ANKRD13C: variants seen among roughly 807,000 people sequenced by gnomAD.
The protein encoded by ANKRD13C is ankyrin repeat domain-containing protein 13C.
A neutral mutation model predicts 65.5 loss-of-function variants in ANKRD13C; 16 were observed. That is an observed-to-expected ratio of 0.24 (90% CI 0.17 to 0.37). The LOEUF (loss-of-function observed/expected upper bound fraction) is 0.37. Ranked by LOEUF, ANKRD13C falls within the 10% of genes least tolerant of loss-of-function variation. ANKRD13C has a pLI of 1.00. For missense variants in ANKRD13C, 503 were observed against 655.9 expected, an observed-to-expected ratio of 0.77 and a Z score of 2.55; for synonymous variants, 235 against 238.7, an observed-to-expected ratio of 0.98 and a Z score of 0.14.
intron 5 of ANKRD13C, among the ~76,000 whole-genome samples, chr1:70,308,402 G>A (rs1002508530): frequency 6.6e-6 from 1 of 151,728 alleles, no homozygotes; most frequent in Non-Finnish European, 1.5e-5. Context: ...TGGTAAGGCA[G>A]AGAGAAAACA....
intron 3 of ANKRD13C, among the ~76,000 whole-genome samples, chr1:70,318,902 C>T (rs550275545): frequency 1.3e-5 from 2 of 152,052 alleles, no homozygotes; most frequent in South Asian, 2.1e-4. Context: ...AGGATGGTCT[C>T]GATCTCTTGA....
At chr1:70,272,379 C>T (rs1212925659) in intron 11 of ANKRD13C, among the ~76,000 whole-genome samples, 2 of 151,818 alleles carry the variant, frequency 1.3e-5, no homozygotes, top group African/African-American at 4.8e-5. Context: ...CACCACCACA[C>T]CCGGCCAATT....
At position 70,259,537 on chromosome 1, in the gene ANKRD13C, A is replaced by G. The variant is rs1389353758; in HGVS notation, c.*3180T>C. On this transcript the variant is annotated 3_prime_UTR_variant, in exon 13 of 13. Coordinates refer to ENST00000370944, the MANE Select transcript of ANKRD13C (RefSeq NM_030816.5). ...CATGATGTAAAAAATGTGATTCTTA[A>G]CATGTTATGAAATTTTTAGGTGGCA... Among the ~76,000 whole-genome samples, 2 of 152,204 alleles carry G rather than the reference A, an allele frequency of 1.3e-5. No individual in the cohort carries two copies. The highest frequency in any genetic ancestry group is 1.3e-4 in the Admixed American group (2 of 15,274).
At chr1:70,305,250 C>A (rs939919552) in intron 6 of ANKRD13C, among the ~76,000 whole-genome samples, 1 of 152,116 alleles carries the variant, frequency 6.6e-6, no homozygotes, top group Non-Finnish European at 1.5e-5. Flanking sequence ...ATAAATTTCT[C>A]AGAAATAGCT....
At chr1:70,281,516 C>A (rs913054202) in intron 9 of ANKRD13C, among the ~76,000 whole-genome samples, 1 of 151,342 alleles carries the variant, frequency 6.6e-6, no homozygotes, top group Non-Finnish European at 1.5e-5. Flanking sequence ...GATCCTCCCA[C>A]CCCAGCCTCC....
intron 8 of ANKRD13C, among the ~76,000 whole-genome samples, chr1:70,295,714 T>C (rs991821754): frequency 6.6e-6 from 1 of 152,124 alleles, no homozygotes; most frequent in Non-Finnish European, 1.5e-5. Context: ...TACTCATATG[T>C]ATAGAATACA....
chr1:70,296,026 T>C, intron 8 of ANKRD13C, 104 bp downstream of exon 8: 1 of 1,364,336 alleles, frequency 7.3e-7, no homozygotes, highest in Non-Finnish European at 9.9e-7. Context: ...AAAAACTACT[T>C]GGAGACAATT....
chr1:70,319,252 T>C (rs12737233), intron 3 of ANKRD13C, among the ~76,000 whole-genome samples: 16,038 of 152,192 alleles, frequency 0.11, 1,054 homozygotes, highest in Non-Finnish European at 0.15. Flanking sequence ...CTTTTATCAT[T>C]ACAACTTCAT....
At chr1:70,302,476 C>CCT (rs1680405943) in intron 6 of ANKRD13C, among the ~76,000 whole-genome samples, 2 of 110,676 alleles carry the variant, frequency 1.8e-5, no homozygotes, top group Non-Finnish European at 3.6e-5. Flanking sequence ...CCTGTAATCC[C>CCT]AGCACTTTGG....
At chr1:70,314,707 A>C (rs1680999310) in intron 4 of ANKRD13C, among the ~76,000 whole-genome samples, 1 of 151,168 alleles carries the variant, frequency 6.6e-6, no homozygotes, top group Non-Finnish European at 1.5e-5. Flanking sequence ...TGAGTAAAAC[A>C]TTTTTCTGGC....
At chr1:70,311,259 G>A (rs976360520) in intron 5 of ANKRD13C, among the ~76,000 whole-genome samples, 6 of 152,094 alleles carry the variant, frequency 3.9e-5, no homozygotes, top group East Asian at 1.9e-4. Context: ...TTGGGAGGCC[G>A]AGGCGGGTGG....
intron 3 of ANKRD13C, among the ~76,000 whole-genome samples, chr1:70,319,683 T>C (rs999131123): frequency 3.3e-5 from 5 of 151,264 alleles, no homozygotes; most frequent in African/African-American, 1.2e-4. Flanking sequence ...CCATGCTTTA[T>C]ACACATTCCA....
rs1188173076 is a variant in ANKRD13C at position 70,292,517 on chromosome 1, G to A, written c.1086C>T (p.Tyr362=). 3 of 1,597,990 alleles carry A rather than the reference G, an allele frequency of 1.9e-6. No homozygotes were observed. The highest frequency in any genetic ancestry group is 2.6e-6 in the Non-Finnish European group (3 of 1,175,972). The change falls in exon 9 of 13, where the codon TAC becomes TAT. Residue 362 remains tyrosine (Y), a synonymous_variant. Coordinates refer to ENST00000370944, the MANE Select transcript of ANKRD13C (RefSeq NM_030816.5). ...ERVGNFLADF[Y]LVNGLVLESR... is the part of the protein sequence containing the mutation. Reference sequence around the variant, plus strand: ...ATTCTAAAACAAGTCCATTCACCAGGTAAAAGTCTGCCAAAAAGTTTCCTA... The same window carrying A: ...ATTCTAAAACAAGTCCATTCACCAGATAAAAGTCTGCCAAAAAGTTTCCTA...
In ANKRD13C at chr1:70,322,157, A is replaced by G. The variant is rs1681339164; in HGVS notation, c.577+2696T>C. On this transcript the variant is annotated intron_variant, in intron 3 of 12. Coordinates refer to ENST00000370944, the MANE Select transcript of ANKRD13C (RefSeq NM_030816.5). ...TGGTGAAACCCCATCTCTACTAAAA[A>G]TACAAAAATTAGTTGGGCACTGTGG... Among the ~76,000 whole-genome samples the G allele has an allele frequency of 2.6e-5, 4 of 152,294 alleles. No individual in the cohort carries two copies. The South Asian group carries it at 8.3e-4, about 32-fold the overall frequency.
At position 70,261,235 on chromosome 1, in the gene ANKRD13C, T is replaced by C. The variant is rs1185016279; in HGVS notation, c.*1482A>G. 8 of 152,134 alleles carry C rather than the reference T, an allele frequency of 5.3e-5. No homozygotes were observed. Among genetic ancestry groups the C allele is most frequent in the Admixed American group, 5.2e-4 (8 of 15,278 alleles). The allele number at this position is 152,134 out of a possible 1,614,324, so 9.4% of individuals were successfully genotyped here. On this transcript the variant is annotated 3_prime_UTR_variant, in exon 13 of 13. Coordinates refer to ENST00000370944, the MANE Select transcript of ANKRD13C (RefSeq NM_030816.5). Reference sequence around the variant, plus strand: ...GCAATGCATGTATCAGTATGGAAGATGCAGCTTTAAAGATGTTTATTTAAA... The same window carrying C: ...GCAATGCATGTATCAGTATGGAAGACGCAGCTTTAAAGATGTTTATTTAAA...
intron 5 of ANKRD13C, among the ~76,000 whole-genome samples, chr1:70,312,872 AG>A: frequency 6.6e-6 from 1 of 152,146 alleles, no homozygotes; most frequent in East Asian, 1.9e-4. Flanking sequence ...TAAAATGAGG[AG>A]AAAAACCTTG....
intron 7 of ANKRD13C, among the ~76,000 whole-genome samples, chr1:70,299,700 G>A (rs1298310172): frequency 6.6e-6 from 1 of 152,148 alleles, no homozygotes; most frequent in Non-Finnish European, 1.5e-5. Flanking sequence ...TTCTTCAAAA[G>A]AGGAAAAACA....
rs903586915 is a variant in ANKRD13C, at chr1:70,259,852, T to C, written c.*2865A>G. On this transcript the variant is annotated 3_prime_UTR_variant, in exon 13 of 13. Coordinates refer to ENST00000370944, the MANE Select transcript of ANKRD13C (RefSeq NM_030816.5). ...TTTGGACTGCACAGGTCCACTTACA[T>C]GCAGATTTTCAACTGAACCCCTAAC... 6.6e-6 allele frequency among the ~76,000 whole-genome samples: 1 copy of C among 152,170 alleles called. No individual in the cohort carries two copies. Among genetic ancestry groups the C allele is most frequent in the Admixed American group, 6.5e-5 (1 of 15,270 alleles).
At chr1:70,314,333 C>T (rs1303605218) in intron 4 of ANKRD13C, among the ~76,000 whole-genome samples, 1 of 151,872 alleles carries the variant, frequency 6.6e-6, no homozygotes, top group Non-Finnish European at 1.5e-5. Context: ...ATTCTCCTAT[C>T]CCAGCCTCCC....
Sources: gnomAD v4.1 joint callset for allele counts (sites outside exome capture counted in the v4.1 genomes callset) on GRCh38, gnomAD v4.1.1 for gene constraint, MANE v1.5 for transcripts, NCBI Gene and HGNC (gene_info 2026-07-23, HGNC 2026-07-21) for gene names.